Variants in TENM2 observed in about 807,000 individuals in gnomAD.
TENM2 encodes teneurin transmembrane protein 2.
TENM2 carries 52 observed loss-of-function variants against 245.2 expected under a neutral mutation model. The ratio of observed to expected loss-of-function variants is 0.21; its 90% confidence interval spans 0.17 to 0.27. TENM2 has a LOEUF of 0.27. Among genes scored for constraint, TENM2 ranks in the 10% least tolerant of loss-of-function variants. The pLI is 1.00. For missense variants in TENM2, 3,046 were observed against 3,666.8 expected (o/e 0.83, Z 4.37); for synonymous variants, 1,363 against 1,438.9 (o/e 0.95, Z 1.19).
At position 167,727,370 on chromosome 5, in the gene TENM2, C is replaced by T. The variant is rs183338864; in HGVS notation, c.503-148616C>T. Reference sequence around the variant, plus strand: ...CTCGTGATCCTCCCGCCTCAGCCTCCCAGGGTGCTGGGATTACAGGCGTGA... The same window carrying T: ...CTCGTGATCCTCCCGCCTCAGCCTCTCAGGGTGCTGGGATTACAGGCGTGA... On this transcript the variant is annotated intron_variant, in intron 2 of 28. Transcript: ENST00000518659. 1.4e-4 allele frequency among the ~76,000 whole-genome samples: 21 copies of T among 152,312 alleles called. No individual in the cohort carries two copies. In the East Asian group the frequency reaches 3.9e-3, roughly 28 times the overall value.
At chr5:167,366,818 G>A (rs1326326107) in intron 1 of TENM2, among the ~76,000 whole-genome samples, 1 of 152,122 alleles carries the variant, frequency 6.6e-6, no homozygotes, top group African/African-American at 2.4e-5. Context: ...TGTTTATGGA[G>A]GAAGAGTCTC....
chr5:167,158,288 G>A, the TENM2 span, among the ~76,000 whole-genome samples: 1 of 152,136 alleles, frequency 6.6e-6, no homozygotes, highest in Non-Finnish European at 1.5e-5. Context: ...CAAGAAACAG[G>A]ACTTGGCCAG....
At chr5:167,789,925 C>T (rs1764832050) in intron 2 of TENM2, among the ~76,000 whole-genome samples, 1 of 152,210 alleles carries the variant, frequency 6.6e-6, no homozygotes, top group Middle Eastern at 3.4e-3. Flanking sequence ...TAACCAGCAT[C>T]GTTTTTATTG....
chr5:167,989,598 T>C (rs900866630), intron 4 of TENM2, among the ~76,000 whole-genome samples: 1 of 152,174 alleles, frequency 6.6e-6, no homozygotes, highest in African/African-American at 2.4e-5. Context: ...AGGTCTCATC[T>C]TTCAGGCATG....
intron 2 of TENM2, among the ~76,000 whole-genome samples, chr5:167,549,039 C>T (rs1283528034): frequency 1.3e-5 from 2 of 152,208 alleles, no homozygotes; most frequent in Non-Finnish European, 2.9e-5. Flanking sequence ...CGTCCTTCCT[C>T]TCCTGCCTCT....
rs74289974 is a variant in TENM2, at chr5:167,451,635, C to T, written c.502+76162C>T. ...TCAAGGGTGCTTTCAGGAGCAGATG[C>T]CCTATAGCAACTGATTTTTTTTTTT... On this transcript the variant is annotated intron_variant, in intron 2 of 28. Coordinates refer to ENST00000518659, the Ensembl canonical transcript of TENM2. Among the ~76,000 whole-genome samples, 2,087 of 151,068 alleles carry T rather than the reference C, an allele frequency of 0.014. 86 individuals are homozygous for T. The East Asian group carries it at 0.17, about 12-fold the overall frequency.
At chr5:167,766,366 C>T (rs1033282738) in intron 2 of TENM2, among the ~76,000 whole-genome samples, 12 of 152,078 alleles carry the variant, frequency 7.9e-5, no homozygotes, top group African/African-American at 2.4e-4. Context: ...AAGAGATTCC[C>T]GCAGTTAACA....
At chr5:168,102,450 C>T (rs1349037083) in intron 9 of TENM2, among the ~76,000 whole-genome samples, 1 of 152,190 alleles carries the variant, frequency 6.6e-6, no homozygotes, top group Non-Finnish European at 1.5e-5. Flanking sequence ...TTAGCGCCCC[C>T]ATTAACCCTA....
intron 2 of TENM2, among the ~76,000 whole-genome samples, chr5:167,826,409 A>C (rs1019177310): frequency 6.6e-6 from 1 of 152,108 alleles, no homozygotes; most frequent in Non-Finnish European, 1.5e-5. Flanking sequence ...TGCACCCAAA[A>C]AGCCAGCACT....
chr5:167,535,010 TCAGA>T (rs1459205021), intron 2 of TENM2, among the ~76,000 whole-genome samples: 4 of 152,156 alleles, frequency 2.6e-5, no homozygotes, highest in Non-Finnish European at 4.4e-5. Context: ...TCATCATTTC[TCAGA>T]GATAAAAATA....
chr5:167,179,602 G>T, the TENM2 span, among the ~76,000 whole-genome samples: 5 of 151,948 alleles, frequency 3.3e-5, no homozygotes, highest in Non-Finnish European at 7.4e-5. Flanking sequence ...CCGGCTCCCC[G>T]CTGAATTTCT....
intron 2 of TENM2, among the ~76,000 whole-genome samples, chr5:167,475,489 T>C (rs1767310850): frequency 6.6e-6 from 1 of 152,218 alleles, no homozygotes; most frequent in Non-Finnish European, 1.5e-5. Context: ...TTTTTTTGTT[T>C]GTTTTTACTT....
intron 2 of TENM2, among the ~76,000 whole-genome samples, chr5:167,540,062 A>T (rs1246235339): frequency 2.0e-5 from 3 of 152,202 alleles, no homozygotes; most frequent in South Asian, 4.1e-4. Flanking sequence ...ACTTTAAGTG[A>T]TACAACTTTT....
the TENM2 span, among the ~76,000 whole-genome samples, chr5:167,252,794 C>T: frequency 6.6e-6 from 1 of 152,132 alleles, no homozygotes; most frequent in Non-Finnish European, 1.5e-5. Flanking sequence ...GTGACTTTTA[C>T]CTTGAGATCA....
intron 4 of TENM2, among the ~76,000 whole-genome samples, chr5:167,970,959 T>G (rs1455698271): frequency 6.6e-6 from 1 of 152,104 alleles, no homozygotes; most frequent in Non-Finnish European, 1.5e-5. Context: ...ATTCAGTATA[T>G]GTCTGCGTAT....
intron 2 of TENM2, among the ~76,000 whole-genome samples, chr5:167,615,395 T>C (rs1777728999): frequency 6.6e-6 from 1 of 152,150 alleles, no homozygotes; most frequent in South Asian, 2.1e-4. Flanking sequence ...TTATTTCATT[T>C]TGTGTTTAAC....
chr5:168,154,143 A>G (rs1022700525), intron 12 of TENM2, among the ~76,000 whole-genome samples: 1 of 92,084 alleles, frequency 1.1e-5, no homozygotes, highest in African/African-American at 4.1e-5. Flanking sequence ...ATGATCACCT[A>G]CTTTAAAAAA....
chr5:167,845,534 C>T (rs1012503028), intron 2 of TENM2, among the ~76,000 whole-genome samples: 2 of 152,112 alleles, frequency 1.3e-5, no homozygotes, highest in African/African-American at 4.8e-5. Context: ...ACCCCTTTAA[C>T]ATTAACTTGT....
chr5:167,395,867 C>T (rs189918072), intron 2 of TENM2, among the ~76,000 whole-genome samples: 1 of 152,194 alleles, frequency 6.6e-6, no homozygotes, highest in Non-Finnish European at 1.5e-5. Context: ...CTCAACATCA[C>T]TAATAGCCAG....
Sources: gnomAD v4.1 joint callset for allele counts (sites outside exome capture counted in the v4.1 genomes callset) on GRCh38, gnomAD v4.1.1 for gene constraint, MANE v1.5 for transcripts, NCBI Gene and HGNC (gene_info 2026-07-23, HGNC 2026-07-21) for gene names.